The following CBFA2T2 variants were observed in gnomAD, a reference collection of about 807,000 sequenced individuals.
CBFA2T2 encodes protein CBFA2T2.
CBFA2T2 carries 11 observed loss-of-function variants against 62.2 expected under a neutral mutation model. The ratio of observed to expected loss-of-function variants is 0.18; its 90% CI spans 0.11 to 0.29. CBFA2T2 has a LOEUF of 0.29. Ranked by LOEUF, CBFA2T2 falls within the 10% of genes least tolerant of loss-of-function variation. The pLI, the probability that CBFA2T2 is intolerant of heterozygous loss-of-function variation, is 1.00. For missense variants in CBFA2T2, 592 were observed against 774.1 expected, an observed-to-expected ratio of 0.76 and a Z score of 2.79; for synonymous variants, 295 against 287.5, an observed-to-expected ratio of 1.03 and a Z score of -0.27.
rs930378216 is a variant in CBFA2T2, at chr20:33,619,741, T to A, written c.510+135T>A. 16 of 592,782 alleles carry A rather than the reference T, an allele frequency of 2.7e-5. No homozygotes were observed. The African/African-American group carries it at 3.1e-4, about 11-fold the overall frequency. 36.7% of individuals were successfully genotyped at this position (592,782 alleles called of 1,614,324 possible). ...TTTTGGGCTGGTAGAGAGGTCTGAGTGCAGTTAACAGATAAACGTCAGGTT... is the reference window on the plus strand; with the variant it reads ...TTTTGGGCTGGTAGAGAGGTCTGAGAGCAGTTAACAGATAAACGTCAGGTT... On this transcript the variant is annotated intron_variant, in intron 4 of 10. Coordinates refer to ENST00000342704, the MANE Select transcript of CBFA2T2 (RefSeq NM_001032999.3).
At chr20:33,525,047 G>T (rs369975140) in intron 1 of CBFA2T2, among the ~76,000 whole-genome samples, 233 of 152,276 alleles carry the variant, frequency 1.5e-3, no homozygotes, top group African/African-American at 5.4e-3. Flanking sequence ...TGTTGTCCAG[G>T]CTGGTCTTGA....
chr20:33,546,746 C>T (rs1048430854), intron 1 of CBFA2T2, among the ~76,000 whole-genome samples: 2 of 152,050 alleles, frequency 1.3e-5, no homozygotes, highest in African/African-American at 2.4e-5. Flanking sequence ...CCACCTGCCT[C>T]AGCTTCCTAA....
chr20:33,588,503 C>T (rs1348063502), intron 1 of CBFA2T2, among the ~76,000 whole-genome samples: 1 of 151,846 alleles, frequency 6.6e-6, no homozygotes, highest in East Asian at 1.9e-4. Context: ...CTTTCTTTTA[C>T]CTTTATTTTT....
At chr20:33,505,084 TCTTAA>T (rs1266716659) in intron 1 of CBFA2T2, among the ~76,000 whole-genome samples, 5 of 152,248 alleles carry the variant, frequency 3.3e-5, no homozygotes, top group Non-Finnish European at 5.9e-5. Context: ...GTCTTCATCC[TCTTAA>T]CTTGTATAAG....
intron 1 of CBFA2T2, among the ~76,000 whole-genome samples, chr20:33,543,843 AT>A (rs1310107451): frequency 6.6e-6 from 1 of 152,126 alleles, no homozygotes; most frequent in Admixed American, 6.5e-5. Context: ...TAATTAATTT[AT>A]TTATTTATTC....
At chr20:33,541,810 A>G (rs1349346166) in intron 1 of CBFA2T2, among the ~76,000 whole-genome samples, 3 of 152,148 alleles carry the variant, frequency 2.0e-5, no homozygotes, top group African/African-American at 7.2e-5. Context: ...ATCTTGTGTT[A>G]TGCATACATT....
intron 1 of CBFA2T2, among the ~76,000 whole-genome samples, chr20:33,536,372 G>A (rs1168090613): frequency 4.0e-5 from 6 of 150,668 alleles, no homozygotes; most frequent in Non-Finnish European, 7.4e-5. Context: ...CAGTAGGGGC[G>A]GCCGGGCAGA....
At chr20:33,514,375 G>A (rs930113021) in intron 1 of CBFA2T2, among the ~76,000 whole-genome samples, 1 of 151,676 alleles carries the variant, frequency 6.6e-6, no homozygotes, top group Non-Finnish European at 1.5e-5. Flanking sequence ...CTACCACACC[G>A]AGCTAATTTT....
intron 1 of CBFA2T2, among the ~76,000 whole-genome samples, chr20:33,602,461 G>A (rs1161937117): frequency 2.0e-5 from 3 of 148,538 alleles, no homozygotes; most frequent in African/African-American, 7.5e-5. Flanking sequence ...AAACTCAAAA[G>A]CAATTTATAA....
Position 33,611,251 on chromosome 20 carries a change from C to T in CBFA2T2, c.336C>T (p.Arg112=). 1.9e-6 allele frequency: 3 copies of T among 1,614,206 alleles called. No homozygotes were observed. Among genetic ancestry groups the T allele is most frequent in the East Asian group, 2.2e-5 (1 of 44,874 alleles). The change falls in exon 3 of 11, where the codon CGC becomes CGT. Residue 112 remains arginine, a synonymous_variant. Transcript: ENST00000342704. The stretch of plus-strand genomic sequence containing the variant: ...CTCGACAACTCAGCAAGTTGAAACG[C>T]TTTCTTACCACTCTGCAACAGTTTG... ...CGARQLSKLK[R]FLTTLQQFGN...
At position 33,490,313 on chromosome 20, in the gene CBFA2T2, G is replaced by A. The variant is rs1310443500; in HGVS notation, c.34+12G>A. ...GGCCGCCTTCCAGCGTAAGTGGGGC[G>A]TGAATGCGGGCGGCCGAGGGGGGCG... On this transcript the variant is annotated intron_variant, in intron 1 of 10. Coordinates refer to ENST00000342704, the MANE Select transcript of CBFA2T2 (RefSeq NM_001032999.3). 4 of 1,284,612 alleles carry A rather than the reference G, an allele frequency of 3.1e-6. No individual in the cohort carries two copies. Among genetic ancestry groups the A allele is most frequent in the Non-Finnish European group, 3.9e-6 (4 of 1,016,400 alleles). 79.6% of individuals were successfully genotyped at this position (1,284,612 alleles called of 1,614,324 possible).
intron 1 of CBFA2T2, among the ~76,000 whole-genome samples, chr20:33,497,864 A>G (rs1600897826): frequency 6.6e-6 from 1 of 150,754 alleles, no homozygotes; most frequent in African/African-American, 2.4e-5. Context: ...TATTTTTTTT[A>G]TAGAGACAGG....
chr20:33,503,876 GAAAAAAA>G (rs2146849505), intron 1 of CBFA2T2, among the ~76,000 whole-genome samples: 1 of 151,214 alleles, frequency 6.6e-6, no homozygotes, highest in Non-Finnish European at 1.5e-5. Context: ...AGTGGGTAGA[GAAAAAAA>G]CTTGCTCTTT....
intron 8 of CBFA2T2, among the ~76,000 whole-genome samples, chr20:33,630,962 TA>T (rs1186735693): frequency 6.6e-6 from 1 of 152,170 alleles, no homozygotes; most frequent in Non-Finnish European, 1.5e-5. Flanking sequence ...GTGGAATATC[TA>T]GCACAACAAG....
chr20:33,494,264 TATATATATA>T (rs1423495309), intron 1 of CBFA2T2, among the ~76,000 whole-genome samples: 20 of 75,530 alleles, frequency 2.6e-4, no homozygotes, highest in African/African-American at 1.1e-3. Flanking sequence ...TATATATATA[TATATATATA>T]TTTTTTTTTT....
chr20:33,512,659 G>A (rs2011530344), intron 1 of CBFA2T2, among the ~76,000 whole-genome samples: 1 of 151,984 alleles, frequency 6.6e-6, no homozygotes, highest in Admixed American at 6.6e-5. Flanking sequence ...TTCTGCTGTT[G>A]AGGTATATTC....
rs946607410 is a variant in CBFA2T2 at position 33,579,842 on chromosome 20, TTC to T, written c.35-27108_35-27107del. 2.0e-5 allele frequency among the ~76,000 whole-genome samples: 3 copies of T among 151,582 alleles called. No individual in the cohort carries two copies. In the East Asian group the frequency reaches 5.8e-4, roughly 29 times the overall value. ...CTTTTTTTTTTTTTTGAGACGGAGT[TTC>T]TCTCTTGTTGCCCAGGCTGGAGTGC... On this transcript the variant is annotated intron_variant, in intron 1 of 10. Coordinates refer to ENST00000342704, the MANE Select transcript of CBFA2T2 (RefSeq NM_001032999.3).
intron 1 of CBFA2T2, among the ~76,000 whole-genome samples, chr20:33,559,276 C>T (rs575536480): frequency 2.0e-4 from 29 of 147,764 alleles, no homozygotes; most frequent in African/African-American, 6.0e-4. Context: ...CTGGTTCAAG[C>T]GATTCTCCTG....
At chr20:33,554,600 CTTT>C (rs752877501) in intron 1 of CBFA2T2, among the ~76,000 whole-genome samples, 3 of 56,288 alleles carry the variant, frequency 5.3e-5, no homozygotes, top group African/African-American at 1.5e-4. Context: ...TTTTTCTTTT[CTTT>C]TTTTTTTTTT....
Sources: allele counts gnomAD v4.1 joint callset (sites outside exome capture counted in the v4.1 genomes callset), GRCh38; gene constraint gnomAD v4.1.1; transcripts MANE v1.5; gene names NCBI Gene and HGNC (gene_info 2026-07-23, HGNC 2026-07-21).